Variants in KHDRBS2 observed in about 807,000 individuals in gnomAD.
KHDRBS2 encodes KH RNA binding domain containing, signal transduction associated 2.
Under a neutral mutation model 44.3 loss-of-function variants are expected in KHDRBS2, and 26 were observed. The ratio of observed to expected loss-of-function variants is 0.59; its 90% CI spans 0.43 to 0.81. The LOEUF is 0.81. Among genes scored for constraint, KHDRBS2 ranks in the 40% least tolerant of loss-of-function variants. The probability of loss-of-function intolerance (pLI) is 0.00; values close to 1 mark genes in which losing one functional copy is unlikely to be tolerated. For missense variants in KHDRBS2, 476 were observed against 433.1 expected, an observed-to-expected ratio of 1.10 and a Z score of -0.88; for synonymous variants, 194 against 151.1, an observed-to-expected ratio of 1.28 and a Z score of -2.08.
At chr6:61,813,874 C>A (rs1213613976) in intron 6 of KHDRBS2, 1 of 455,398 alleles carries the variant, frequency 2.2e-6, no homozygotes, top group Admixed American at 2.4e-5. Flanking sequence ...AGTAGTATGA[C>A]ACACACTAGG....
intron 6 of KHDRBS2, among the ~76,000 whole-genome samples, chr6:61,860,271 T>G (rs542605810): frequency 1.7e-4 from 26 of 152,002 alleles, no homozygotes; most frequent in South Asian, 4.2e-4. Flanking sequence ...ATGTCTTTTT[T>G]TGTGTGTGTG....
intron 1 of KHDRBS2, among the ~76,000 whole-genome samples, chr6:62,205,978 T>A (rs1827895232): frequency 6.6e-6 from 1 of 152,108 alleles, no homozygotes; most frequent in Admixed American, 6.6e-5. Context: ...AAATGATGAA[T>A]TTTAGTTGAA....
chr6:61,972,148 G>A (rs1177651795), intron 4 of KHDRBS2, among the ~76,000 whole-genome samples: 1 of 152,096 alleles, frequency 6.6e-6, no homozygotes, highest in African/African-American at 2.4e-5. Flanking sequence ...GCTATTTGCA[G>A]GTCAGTGTTG....
At chr6:61,579,798 CTGTAA>C in the KHDRBS2 span, among the ~76,000 whole-genome samples, 1 of 151,818 alleles carries the variant, frequency 6.6e-6, no homozygotes, top group Non-Finnish European at 1.5e-5. Flanking sequence ...TGGCTCATGC[CTGTAA>C]TCCCAGTACT....
intron 4 of KHDRBS2, among the ~76,000 whole-genome samples, chr6:61,909,997 G>A (rs1805759251): frequency 6.6e-6 from 1 of 152,172 alleles, no homozygotes. Context: ...CATCGGAAAT[G>A]ATACGTAGGG....
At chr6:61,997,510 A>T (rs1777429549) in intron 3 of KHDRBS2, among the ~76,000 whole-genome samples, 1 of 152,192 alleles carries the variant, frequency 6.6e-6, no homozygotes, top group South Asian at 2.1e-4. Flanking sequence ...TTTCCCAAAC[A>T]TCCCTCTCCA....
the KHDRBS2 span, among the ~76,000 whole-genome samples, chr6:61,597,773 T>TATATATATATATACATACAC: frequency 2.4e-5 from 1 of 42,330 alleles, no homozygotes; most frequent in Non-Finnish European, 4.8e-5. Context: ...TATATATATA[T>TATATATATATATACATACAC]ACACCAAGAT....
At chr6:61,762,327 G>A (rs1028730976) in intron 6 of KHDRBS2, among the ~76,000 whole-genome samples, 1 of 152,130 alleles carries the variant, frequency 6.6e-6, no homozygotes, top group African/African-American at 2.4e-5. Flanking sequence ...AACAGAACAG[G>A]GATGGATTGT....
At chr6:62,151,522 C>A (rs1815182253) in intron 2 of KHDRBS2, among the ~76,000 whole-genome samples, 1 of 152,058 alleles carries the variant, frequency 6.6e-6, no homozygotes, top group Non-Finnish European at 1.5e-5. Flanking sequence ...AGAAACATTT[C>A]AAAAGTTACC....
chr6:61,731,218 T>C (rs1159944522), intron 7 of KHDRBS2, among the ~76,000 whole-genome samples: 1 of 152,082 alleles, frequency 6.6e-6, no homozygotes, highest in Non-Finnish European at 1.5e-5. Flanking sequence ...TTGCATATAA[T>C]ACTCGGTTCA....
intron 4 of KHDRBS2, among the ~76,000 whole-genome samples, chr6:61,961,430 G>A (rs565161817): frequency 6.1e-5 from 9 of 146,786 alleles, no homozygotes; most frequent in Non-Finnish European, 9.1e-5. Flanking sequence ...AAGAGAGAGA[G>A]AGAAAGAAAG....
At chr6:61,819,782 G>A (rs1789586703) in intron 6 of KHDRBS2, among the ~76,000 whole-genome samples, 2 of 151,958 alleles carry the variant, frequency 1.3e-5, no homozygotes, top group Admixed American at 6.6e-5. Flanking sequence ...GAAATAGGCA[G>A]GCAGATGAGG....
the KHDRBS2 span, among the ~76,000 whole-genome samples, chr6:61,672,367 G>A: frequency 6.6e-6 from 1 of 151,978 alleles, no homozygotes; most frequent in African/African-American, 2.4e-5. Flanking sequence ...ACCCAGTAAT[G>A]GGATGGCTGG....
At chr6:61,820,978 T>C (rs776998435) in intron 6 of KHDRBS2, among the ~76,000 whole-genome samples, 5 of 152,172 alleles carry the variant, frequency 3.3e-5, no homozygotes, top group Middle Eastern at 3.4e-3. Flanking sequence ...AAATTCCTAC[T>C]GACTGTGTGA....
downstream of KHDRBS2, among the ~76,000 whole-genome samples, chr6:61,676,835 A>G (rs1765973826): frequency 6.6e-6 from 1 of 151,790 alleles, no homozygotes; most frequent in African/African-American, 2.4e-5. Flanking sequence ...GGCCATGCTA[A>G]TATTTTAGAT....
intron 2 of KHDRBS2, among the ~76,000 whole-genome samples, chr6:62,059,210 T>TG (rs1562749001): frequency 1.8e-5 from 2 of 114,140 alleles, no homozygotes; most frequent in Admixed American, 9.6e-5. Context: ...TTTTTTTTTT[T>TG]TTTTTTTTTT....
At chr6:61,721,338 G>A (rs941201794) in intron 7 of KHDRBS2, among the ~76,000 whole-genome samples, 4 of 152,044 alleles carry the variant, frequency 2.6e-5, no homozygotes, top group African/African-American at 7.2e-5. Flanking sequence ...AGCTTGATGG[G>A]GGTGGCATTG....
chr6:61,552,344 AT>A, the KHDRBS2 span, among the ~76,000 whole-genome samples: 1 of 152,004 alleles, frequency 6.6e-6, no homozygotes, highest in Admixed American at 6.6e-5. Context: ...AATGCTACTG[AT>A]TTTTGTACAT....
At chr6:61,753,406 C>T (rs1352780379) in intron 6 of KHDRBS2, among the ~76,000 whole-genome samples, 1 of 152,202 alleles carries the variant, frequency 6.6e-6, no homozygotes, top group South Asian at 2.1e-4. Flanking sequence ...CCCCCCCAAA[C>T]CATATGAGCA....
Sources: gnomAD v4.1 joint callset for allele counts (sites outside exome capture counted in the v4.1 genomes callset) on GRCh38, gnomAD v4.1.1 for gene constraint, MANE v1.5 for transcripts, NCBI Gene and HGNC (gene_info 2026-07-23, HGNC 2026-07-21) for gene names.